The following DLGAP4 variants were observed in gnomAD, a reference collection of about 807,000 sequenced individuals.
DLGAP4 encodes DLG associated protein 4, also known as disks large-associated protein 4.
A neutral mutation model predicts 86.9 loss-of-function variants in DLGAP4; 18 were observed. That is an observed-to-expected ratio of 0.21 (90% CI 0.14 to 0.31). The LOEUF is 0.31. DLGAP4 is among the 10% of genes least tolerant of loss of function. The probability of loss-of-function intolerance (pLI) is 1.00; values close to 1 mark genes in which losing one functional copy is unlikely to be tolerated. For synonymous variants in DLGAP4, 548 were observed against 574.3 expected, an observed-to-expected ratio of 0.95 and a Z score of 0.65; for missense variants, 1,085 against 1,362.6, an observed-to-expected ratio of 0.80 and a Z score of 3.21.
rs2065207192 is a variant in DLGAP4 at position 36,325,510 on chromosome 20, C to T, written c.-304+18998C>T. On this transcript the variant is annotated intron_variant, in intron 1 of 12. Transcript: ENST00000339266. ...TCTGTATCCTTATTTATTTTCTGTT[C>T]ACTTGCTCTACCAATTATTGAGAGA... Among the ~76,000 whole-genome samples the T allele has an allele frequency of 3.3e-5, 5 of 152,084 alleles. No homozygotes were observed. In the South Asian group the frequency reaches 1.0e-3, roughly 32 times the overall value.
In DLGAP4 at chr20:36,446,771, G is replaced by A. The variant is rs770088280; in HGVS notation, c.1482G>A (p.Ala494=). ...ESACSEAEST[A]AETLDLPLPS... Reference sequence around the variant, plus strand: ...CCTGCAGTGAAGCGGAGTCCACAGCGGCAGAGACGCTTGACTTGCCACTGC... The same window carrying A: ...CCTGCAGTGAAGCGGAGTCCACAGCAGCAGAGACGCTTGACTTGCCACTGC... The change falls in exon 7 of 13, where the codon GCG becomes GCA. Residue 494 remains alanine (A), a synonymous_variant. Transcript: ENST00000339266. 25 of 1,612,722 alleles carry A rather than the reference G, an allele frequency of 1.6e-5. No individual in the cohort carries two copies. Among genetic ancestry groups the A allele is most frequent in the East Asian group, 6.7e-5 (3 of 44,864 alleles).
chr20:36,432,272 G>A lies in DLGAP4; in HGVS notation c.555G>A (p.Lys185=). The change falls in exon 3 of 13, where the codon AAG becomes AAA. Residue 185 remains lysine, a synonymous_variant. Transcript: ENST00000339266. The surrounding 1 kb of genome is among the most constrained non-coding windows in gnomAD (Gnocchi z 6.5). ...EDGKGRRAKS[K]ERAKAGEPKR... ...GCAAGGGCCGGAGGGCCAAAAGCAA[G>A]GAGCGGGCCAAGGCTGGGGAGCCCA... is the stretch of plus-strand genomic sequence containing the variant. 6.2e-7 allele frequency: 1 copy of A among 1,613,804 alleles called. No individual in the cohort carries two copies.
In DLGAP4 at chr20:36,497,688, G is replaced by A. The variant is rs143343128; in HGVS notation, c.2010+622G>A. 9.1e-4 allele frequency: 886 copies of A among 976,470 alleles called. 5 individuals carry two copies. In the African/African-American group the frequency reaches 0.014, roughly 15 times the overall value. The allele number at this position is 976,470 out of a possible 1,614,324, so 60.5% of individuals were successfully genotyped here. On this transcript the variant is annotated intron_variant, in intron 8 of 12. Transcript: ENST00000339266. ...TCCCTCCATGGGATAGGGTCCAGGC[G>A]ATGGTTCCCCAGGGTTAGGTGGCCA...
intron 1 of DLGAP4, among the ~76,000 whole-genome samples, chr20:36,310,876 G>A (rs1277416410): frequency 3.9e-5 from 6 of 152,270 alleles, no homozygotes; most frequent in African/African-American, 1.4e-4. Flanking sequence ...CTGTCACCGA[G>A]GAGTCCTGTG....
intron 7 of DLGAP4, among the ~76,000 whole-genome samples, chr20:36,481,095 G>A (rs2035166209): frequency 1.3e-5 from 2 of 152,176 alleles, no homozygotes; most frequent in East Asian, 1.9e-4. Flanking sequence ...GGCAAAGAGC[G>A]TCTCAGGCCC....
intron 2 of DLGAP4, among the ~76,000 whole-genome samples, chr20:36,414,714 CT>C (rs1179526848): frequency 6.6e-6 from 1 of 152,184 alleles, no homozygotes; most frequent in East Asian, 1.9e-4. Flanking sequence ...TCCATGGGGG[CT>C]CCAGGGGGCA....
chr20:36,416,417 G>A (rs754500016), intron 2 of DLGAP4, among the ~76,000 whole-genome samples: 4 of 152,162 alleles, frequency 2.6e-5, no homozygotes, highest in South Asian at 2.1e-4. Flanking sequence ...CCACGCACCC[G>A]GCCTAAACCA....
chr20:36,377,093 A>G (rs563170960), intron 2 of DLGAP4, among the ~76,000 whole-genome samples: 4 of 152,270 alleles, frequency 2.6e-5, no homozygotes, highest in East Asian at 1.9e-4. Context: ...CTGCCTTTCC[A>G]TCTCTGTTGG....
chr20:36,327,218 T>G (rs934442677), intron 1 of DLGAP4, among the ~76,000 whole-genome samples: 11 of 152,208 alleles, frequency 7.2e-5, no homozygotes, highest in African/African-American at 2.6e-4. Context: ...CGGGCTGGTC[T>G]TGAACTCCTG....
At chr20:36,310,353 C>A (rs1226408629) in intron 1 of DLGAP4, among the ~76,000 whole-genome samples, 2 of 152,132 alleles carry the variant, frequency 1.3e-5, no homozygotes, top group Non-Finnish European at 2.9e-5. Context: ...CCTGAGTGGG[C>A]CACAGGGAGG....
At chr20:36,433,579 G>A (rs1282922324) in intron 3 of DLGAP4, among the ~76,000 whole-genome samples, 1 of 152,180 alleles carries the variant, frequency 6.6e-6, no homozygotes, top group African/African-American at 2.4e-5. Flanking sequence ...TCTGCAGGTA[G>A]TGAGTGCCTC....
At position 36,446,921 on chromosome 20, in the gene DLGAP4, T is replaced by G; in HGVS notation, c.1632T>G (p.Asn544Lys). Reference sequence around the variant, plus strand: ...CGCCCAGTACCGGCAGCCTCAGCAATAGTCGCACGCTTCCGAGTGAGTACT... The same window carrying G: ...CGCCCAGTACCGGCAGCCTCAGCAAGAGTCGCACGCTTCCGAGTGAGTACT... Reference protein sequence around the residue: ...SPPPSTGSLSNSRTLPSSSCL... With the variant: ...SPPPSTGSLSKSRTLPSSSCL... Residue 544 changes from asparagine to lysine, a missense_variant, in exon 7 of 13, where the codon AAT (asparagine) becomes AAG (lysine). This residue lies in a region of DLGAP4 where 1,082 missense variants were observed against 1,344.1 expected (regional missense o/e 0.81). Transcript: ENST00000339266. 2 of 1,610,502 alleles carry G rather than the reference T, an allele frequency of 1.2e-6. No individual in the cohort carries two copies. Among genetic ancestry groups the G allele is most frequent in the Admixed American group, 1.7e-5 (1 of 59,926 alleles).
intron 1 of DLGAP4, among the ~76,000 whole-genome samples, chr20:36,337,257 GT>G (rs1215491612): frequency 1.2e-4 from 17 of 146,380 alleles, no homozygotes; most frequent in Non-Finnish European, 1.5e-5. Flanking sequence ...CCAACAGGAT[GT>G]TTTAGGGGTT....
At chr20:36,390,098 C>T in intron 2 of DLGAP4, among the ~76,000 whole-genome samples, 1 of 152,222 alleles carries the variant, frequency 6.6e-6, no homozygotes, top group Non-Finnish European at 1.5e-5. Flanking sequence ...AGTGTGCAAA[C>T]TGGACCAAGG....
In DLGAP4 at chr20:36,331,161, G is replaced by C. The variant is rs912236860; in HGVS notation, c.-304+24649G>C. ...CACCTGTGGGGATGGCTACTTCCACGTGGTGAGAAATAAATGGGTCCTCCT... is the reference window on the plus strand; with the variant it reads ...CACCTGTGGGGATGGCTACTTCCACCTGGTGAGAAATAAATGGGTCCTCCT... On this transcript the variant is annotated intron_variant, in intron 1 of 12. Transcript: ENST00000339266. Among the ~76,000 whole-genome samples the C allele has an allele frequency of 2.6e-5, 4 of 152,292 alleles. 1 individual carries two copies. The highest frequency in any genetic ancestry group is 4.1e-4 in the South Asian group (2 of 4,830).
intron 1 of DLGAP4, among the ~76,000 whole-genome samples, chr20:36,365,300 G>A (rs1380530714): frequency 2.0e-5 from 3 of 152,214 alleles, no homozygotes; most frequent in Non-Finnish European, 4.4e-5. Context: ...GGCTAAAAGT[G>A]ACAACTCGGT....
intron 10 of DLGAP4, among the ~76,000 whole-genome samples, chr20:36,520,428 C>T (rs1242529782): frequency 4.6e-5 from 7 of 152,078 alleles, no homozygotes; most frequent in Non-Finnish European, 8.8e-5. Flanking sequence ...TCACTGCACC[C>T]TCCACCTCCC....
intron 7 of DLGAP4, among the ~76,000 whole-genome samples, chr20:36,485,074 T>C (rs1198349936): frequency 2.0e-5 from 3 of 152,226 alleles, no homozygotes; most frequent in Non-Finnish European, 4.4e-5. Context: ...CATTTTTCTA[T>C]GTGCTGGGAA....
rs1238736224 is a variant in DLGAP4 at position 36,500,220 on chromosome 20, T to C, written c.2121T>C (p.Ser707=). The C allele has an allele frequency of 1.9e-6, 3 of 1,558,632 alleles. No homozygotes were observed. Among genetic ancestry groups the C allele is most frequent in the Non-Finnish European group, 1.7e-6 (2 of 1,152,564 alleles). The change falls in exon 10 of 13, where the codon AGT becomes AGC. Residue 707 remains serine, a synonymous_variant. Coordinates refer to ENST00000339266, the MANE Select transcript of DLGAP4 (RefSeq NM_001365621.2). The surrounding 1 kb of genome is among the most constrained non-coding windows in gnomAD (Gnocchi z 4.6). ...ACAGAAGCAGCGTCCCCTCTCACAG[T>C]ATGTCCTCCCGACGGGACACAGACT... is the stretch of plus-strand genomic sequence containing the variant. ...DDWRSSVPSH[S]MSSRRDTDSD...
Sources: allele counts gnomAD v4.1 joint callset (sites outside exome capture counted in the v4.1 genomes callset), GRCh38; gene constraint gnomAD v4.1.1; regional missense constraint gnomAD v4.1.1; non-coding constraint Gnocchi (gnomAD v3.1); transcripts MANE v1.5; gene names NCBI Gene and HGNC (gene_info 2026-07-23, HGNC 2026-07-21).